Variants in DACH1 observed in about 807,000 individuals in gnomAD.
The protein encoded by DACH1 is dachshund homolog 1.
Under a neutral mutation model 54.2 loss-of-function variants are expected in DACH1, and 12 were observed. The observed-to-expected ratio is 0.22, with a 90% CI of 0.14 to 0.36. The LOEUF is 0.36. Among genes scored for constraint, DACH1 ranks in the 10% least tolerant of loss-of-function variants. The pLI is 1.00. For missense variants in DACH1, 805 were observed against 929.8 expected (o/e 0.87, Z 1.75); for synonymous variants, 386 against 366.2 (o/e 1.05, Z -0.62).
intron 1 of DACH1, among the ~76,000 whole-genome samples, chr13:71,755,038 CTA>C (rs1159629386): frequency 1.3e-5 from 2 of 152,054 alleles, no homozygotes; most frequent in African/African-American, 4.8e-5. Context: ...TTAACTTTGT[CTA>C]TGAGTTTTAT....
intron 10 of DACH1, among the ~76,000 whole-genome samples, chr13:71,449,361 G>A (rs774225731): frequency 3.3e-5 from 5 of 151,962 alleles, no homozygotes; most frequent in Non-Finnish European, 7.4e-5. Flanking sequence ...AATAGGTAAT[G>A]AATTACATAA....
chr13:71,822,535 T>C (rs1888231653), intron 1 of DACH1, among the ~76,000 whole-genome samples: 1 of 152,174 alleles, frequency 6.6e-6, no homozygotes, highest in Non-Finnish European at 1.5e-5. Flanking sequence ...GCAATGAATG[T>C]GGAAAGGGAA....
At chr13:71,661,117 A>G (rs1161074840) in intron 2 of DACH1, among the ~76,000 whole-genome samples, 2 of 151,182 alleles carry the variant, frequency 1.3e-5, no homozygotes, top group East Asian at 4.0e-4. Flanking sequence ...ATTACAAAGA[A>G]TAACAGTAAT....
intron 3 of DACH1, among the ~76,000 whole-genome samples, chr13:71,590,883 T>C (rs918973264): frequency 7.1e-5 from 10 of 140,056 alleles, no homozygotes; most frequent in African/African-American, 1.9e-4. Context: ...TTCTTTTTTT[T>C]TTTTTTTTTT....
Position 71,630,605 on chromosome 13 carries a change from A to C in DACH1, c.1077T>G (p.Asn359Lys). The change falls in exon 3 of 11, where the codon AAT becomes AAG. Residue 359 changes from asparagine (N) to lysine (K), a missense_variant. Asn to Lys is a moderately conservative substitution (Grantham distance 94). Coordinates refer to ENST00000613252, the MANE Select transcript of DACH1 (RefSeq NM_080759.6). Reference sequence around the variant, plus strand: ...TTTCAGAGTCTGCTCCATGTTGGTTATTACTGGCATGATAGTTGCTCATGG... The same window carrying C: ...TTTCAGAGTCTGCTCCATGTTGGTTCTTACTGGCATGATAGTTGCTCATGG... ...LEAMSNYHASNNQHGADSENG... is the reference protein window; with the variant it reads ...LEAMSNYHASKNQHGADSENG... 1 of 1,609,708 alleles carries C rather than the reference A, an allele frequency of 6.2e-7. No individual in the cohort carries two copies. Among genetic ancestry groups the C allele is most frequent in the Non-Finnish European group, 8.5e-7 (1 of 1,178,844 alleles).
intron 6 of DACH1, among the ~76,000 whole-genome samples, chr13:71,533,733 T>TTC (rs372180782): frequency 2.7e-5 from 4 of 149,472 alleles, no homozygotes; most frequent in East Asian, 2.0e-4. Context: ...CTCTGTCTCA[T>TTC]TCTCTCTCTC....
At chr13:71,692,028 CACACACACACACACACACAG>C (rs1881504365) in intron 1 of DACH1, among the ~76,000 whole-genome samples, 1 of 151,668 alleles carries the variant, frequency 6.6e-6, no homozygotes, top group Non-Finnish European at 1.5e-5. Flanking sequence ...CACACACACA[CACACACACACACACACACAG>C]ACACACACAT....
chr13:71,765,457 T>G (rs1193973796), intron 1 of DACH1, among the ~76,000 whole-genome samples: 1 of 152,234 alleles, frequency 6.6e-6, no homozygotes, highest in Non-Finnish European at 1.5e-5. Context: ...GTAGTACACT[T>G]TCCAATTTGT....
intron 10 of DACH1, among the ~76,000 whole-genome samples, chr13:71,443,271 A>AATG (rs1874165264): frequency 6.6e-6 from 1 of 151,690 alleles, no homozygotes; most frequent in African/African-American, 2.4e-5. Context: ...GAATAATAAT[A>AATG]ATGATTACTT....
intron 1 of DACH1, among the ~76,000 whole-genome samples, chr13:71,719,589 G>C (rs1250343533): frequency 6.6e-6 from 1 of 152,158 alleles, no homozygotes; most frequent in Non-Finnish European, 1.5e-5. Context: ...TAAAGAAGAA[G>C]AGTATCACTT....
In DACH1 at chr13:71,439,517, T is replaced by A. The variant is rs539556039; in HGVS notation, c.*1138A>T. On this transcript the variant is annotated 3_prime_UTR_variant, in exon 11 of 11. Coordinates refer to ENST00000613252, the MANE Select transcript of DACH1 (RefSeq NM_080759.6). ...TGTTTTCAGCAACATTAACATAATA[T>A]GACGTTAACATATAAAAATATTTCT... The A allele has an allele frequency of 3.9e-5, 6 of 152,558 alleles. No homozygotes were observed. The South Asian group carries it at 1.2e-3, about 32-fold the overall frequency. 9.5% of individuals were successfully genotyped at this position (152,558 alleles called of 1,614,324 possible).
chr13:71,485,407 T>C (rs898434902), intron 7 of DACH1, among the ~76,000 whole-genome samples: 1 of 151,010 alleles, frequency 6.6e-6, no homozygotes, highest in African/African-American at 2.4e-5. Flanking sequence ...CAGGAAGTAG[T>C]ATAGCTCAAG....
chr13:71,800,037 C>T (rs983860456), intron 1 of DACH1, among the ~76,000 whole-genome samples: 4 of 151,948 alleles, frequency 2.6e-5, no homozygotes, highest in African/African-American at 9.7e-5. Flanking sequence ...TTCTCTCTGA[C>T]GAGATTCATG....
At chr13:71,829,168 A>G (rs1390810969) in intron 1 of DACH1, among the ~76,000 whole-genome samples, 1 of 151,946 alleles carries the variant, frequency 6.6e-6, no homozygotes, top group Non-Finnish European at 1.5e-5. Context: ...TCTATTTTAT[A>G]TACATGCTTT....
chr13:71,705,927 C>T (rs576997193), intron 1 of DACH1, among the ~76,000 whole-genome samples: 26 of 152,126 alleles, frequency 1.7e-4, no homozygotes, highest in African/African-American at 5.3e-4. Context: ...AACAACTAAC[C>T]TTCAATTTAT....
chr13:71,848,650 T>A (rs1484877352), intron 1 of DACH1, among the ~76,000 whole-genome samples: 1 of 151,758 alleles, frequency 6.6e-6, no homozygotes, highest in African/African-American at 2.4e-5. Context: ...GCTCAAGTAA[T>A]CCTCCTGTCT....
chr13:71,666,719 C>T (rs1373526959), intron 2 of DACH1, among the ~76,000 whole-genome samples: 2 of 152,134 alleles, frequency 1.3e-5, no homozygotes, highest in Non-Finnish European at 2.9e-5. Flanking sequence ...CAGTGGCTCA[C>T]GCCTGTAATC....
intron 4 of DACH1, among the ~76,000 whole-genome samples, chr13:71,571,258 C>G (rs758807019): frequency 6.6e-6 from 1 of 151,920 alleles, no homozygotes; most frequent in South Asian, 2.1e-4. Flanking sequence ...ATACTTAGTA[C>G]CTTGTAATAT....
chr13:71,812,806 A>G (rs1017186474), intron 1 of DACH1, among the ~76,000 whole-genome samples: 1 of 152,164 alleles, frequency 6.6e-6, no homozygotes, highest in African/African-American at 2.4e-5. Context: ...CCTGACCCCC[A>G]TGACCAAATT....
Sources: allele counts gnomAD v4.1 joint callset (sites outside exome capture counted in the v4.1 genomes callset), GRCh38; gene constraint gnomAD v4.1.1; transcripts MANE v1.5; gene names NCBI Gene and HGNC (gene_info 2026-07-23, HGNC 2026-07-21).